The following ETV6 variants were observed in gnomAD, a reference collection of about 807,000 sequenced individuals.
ETV6 encodes the protein transcription factor ETV6.
In ETV6, 16 loss-of-function variants were observed where a neutral mutation model predicts 51.1. The observed-to-expected ratio is 0.31, with a 90% CI of 0.21 to 0.48. The LOEUF is 0.48. Ranked by LOEUF, ETV6 falls within the 20% of genes least tolerant of loss-of-function variation. The pLI, the probability that ETV6 is intolerant of heterozygous loss-of-function variation, is 0.99. For missense variants in ETV6, 458 were observed against 594.8 expected (o/e 0.77, Z 2.39); for synonymous variants, 240 against 224.1 (o/e 1.07, Z -0.64).
At position 11,749,659 on chromosome 12, in the gene ETV6, C is replaced by G. The variant is rs151206865; in HGVS notation, c.34-2791C>G. On this transcript the variant is annotated intron_variant, in intron 1 of 7. Transcript: ENST00000396373. Reference sequence around the variant, plus strand: ...ATTGCAATAGAGTGAAAAATGAGCACTGTGAGAGTCAACCTAGAGATTCAC... The same window carrying G: ...ATTGCAATAGAGTGAAAAATGAGCAGTGTGAGAGTCAACCTAGAGATTCAC... Among the ~76,000 whole-genome samples the G allele has an allele frequency of 9.8e-5, 15 of 152,286 alleles. No individual in the cohort carries two copies. The East Asian group carries it at 2.5e-3, about 25-fold the overall frequency.
intron 4 of ETV6, among the ~76,000 whole-genome samples, chr12:11,868,046 G>A (rs1180553997): frequency 6.6e-6 from 1 of 152,164 alleles, no homozygotes; most frequent in Non-Finnish European, 1.5e-5. Context: ...CTTTGAGTGG[G>A]ATGAGTTAGA....
At chr12:11,839,063 A>G in intron 2 of ETV6, 77 bp from the exon 3 acceptor site, 3 of 1,456,578 alleles carry the variant, frequency 2.1e-6, no homozygotes, top group Non-Finnish European at 2.8e-6. Flanking sequence ...CTATTCAGAG[A>G]CCTTCTCCCT....
At chr12:11,690,166 G>A (rs971502758) in intron 1 of ETV6, among the ~76,000 whole-genome samples, 25 of 151,368 alleles carry the variant, frequency 1.7e-4, no homozygotes, top group South Asian at 4.2e-4. Context: ...GAGAAGGGGC[G>A]TAGGGATGCA....
rs532107760 is a variant in ETV6 at position 11,744,205 on chromosome 12, A to T, written c.34-8245A>T. Among the ~76,000 whole-genome samples the T allele has an allele frequency of 1.3e-3, 198 of 152,300 alleles. 2 individuals carry two copies. The highest frequency in any genetic ancestry group is 4.5e-3 in the African/African-American group (186 of 41,552). On this transcript the variant is annotated intron_variant, in intron 1 of 7. Transcript: ENST00000396373. The stretch of plus-strand genomic sequence containing the variant: ...TCTAATGGTGCCCTTGATACAACTA[A>T]ATAGCAACTGTCTCAGTTCATTACT...
At chr12:11,870,623 C>T (rs983670378) in intron 5 of ETV6, among the ~76,000 whole-genome samples, 5 of 152,228 alleles carry the variant, frequency 3.3e-5, no homozygotes, top group Admixed American at 3.3e-4. Flanking sequence ...ACTCATTCTT[C>T]AGAAGCTTAA....
chr12:11,822,560 C>T (rs1946096694), intron 2 of ETV6, among the ~76,000 whole-genome samples: 1 of 152,120 alleles, frequency 6.6e-6, no homozygotes, highest in Non-Finnish European at 1.5e-5. Context: ...ACCTAATGTC[C>T]TGCTGCGGGC....
At chr12:11,851,767 G>T (rs150099861) in intron 3 of ETV6, among the ~76,000 whole-genome samples, 1 of 152,152 alleles carries the variant, frequency 6.6e-6, no homozygotes, top group Admixed American at 6.5e-5. Flanking sequence ...GTAGAGGTAG[G>T]AACAAAGTCA....
chr12:11,810,124 G>A (rs1945891710), intron 2 of ETV6, among the ~76,000 whole-genome samples: 1 of 152,066 alleles, frequency 6.6e-6, no homozygotes, highest in African/African-American at 2.4e-5. Flanking sequence ...TGGCTGGAAT[G>A]GAGCATTTTA....
At chr12:11,681,997 C>T (rs1462671886) in intron 1 of ETV6, among the ~76,000 whole-genome samples, 1 of 152,128 alleles carries the variant, frequency 6.6e-6, no homozygotes, top group Non-Finnish European at 1.5e-5. Flanking sequence ...GGTTCCAAGT[C>T]TTTGCTATTG....
At chr12:11,798,049 A>G (rs1334718935) in intron 2 of ETV6, among the ~76,000 whole-genome samples, 1 of 152,230 alleles carries the variant, frequency 6.6e-6, no homozygotes, top group Non-Finnish European at 1.5e-5. Flanking sequence ...TCCAAGGAAA[A>G]CTTATCAACT....
intron 1 of ETV6, among the ~76,000 whole-genome samples, chr12:11,723,897 T>C (rs1865439770): frequency 6.6e-6 from 1 of 151,348 alleles, no homozygotes. Context: ...TCATTGAGAG[T>C]CCCCAGGAAG....
intron 1 of ETV6, among the ~76,000 whole-genome samples, chr12:11,655,112 C>T (rs1266890766): frequency 1.3e-5 from 2 of 152,188 alleles, no homozygotes; most frequent in Non-Finnish European, 2.9e-5. Context: ...GTAACTCACA[C>T]AGCAGTTTCA....
At chr12:11,884,401 A>G in intron 5 of ETV6, 44 bp from the exon 6 acceptor site, 1 of 1,609,560 alleles carries the variant, frequency 6.2e-7, no homozygotes, top group Non-Finnish European at 8.5e-7. Flanking sequence ...GTGCCTCAAC[A>G]AGAAACATTT....
chr12:11,782,789 A>G (rs1330334384), intron 2 of ETV6, among the ~76,000 whole-genome samples: 1 of 152,260 alleles, frequency 6.6e-6, no homozygotes, highest in East Asian at 1.9e-4. Flanking sequence ...AATGATTTAT[A>G]AGATAACCTC....
intron 2 of ETV6, among the ~76,000 whole-genome samples, chr12:11,754,697 A>G (rs1944980961): frequency 6.6e-6 from 1 of 152,198 alleles, no homozygotes. Context: ...TGTTTCTTCC[A>G]TACTAACACT....
intron 2 of ETV6, among the ~76,000 whole-genome samples, chr12:11,797,216 CCT>C (rs1491186386): frequency 2.0e-5 from 3 of 150,802 alleles, no homozygotes; most frequent in African/African-American, 7.5e-5. Flanking sequence ...AGACAGTGTA[CCT>C]AGCAATAGTC....
At chr12:11,870,333 C>T (rs1222928676) in intron 5 of ETV6, among the ~76,000 whole-genome samples, 4 of 152,166 alleles carry the variant, frequency 2.6e-5, no homozygotes, top group African/African-American at 9.7e-5. Context: ...CCAGACACAG[C>T]ATAAAGAAGC....
chr12:11,689,723 A>G lies in ETV6; in HGVS notation c.33+39563A>G, dbSNP rs943694031. ...CTGCCATGTCTTTTGTGGACATTGG[A>G]TGTATTTCCGCATTCTGGTTGGCCA... is the stretch of plus-strand genomic sequence containing the variant. On this transcript the variant is annotated intron_variant, in intron 1 of 7. Coordinates refer to ENST00000396373, the MANE Select transcript of ETV6 (RefSeq NM_001987.5). Among the ~76,000 whole-genome samples, 4 of 149,898 alleles carry G rather than the reference A, an allele frequency of 2.7e-5. No homozygotes were observed. In the Admixed American group the frequency reaches 2.7e-4, roughly 10 times the overall value.
intron 1 of ETV6, among the ~76,000 whole-genome samples, chr12:11,662,008 C>T (rs1864108833): frequency 6.6e-6 from 1 of 152,150 alleles, no homozygotes. Flanking sequence ...TTAACTTTCG[C>T]CGAGACAGGC....
Sources: gnomAD v4.1 joint callset for allele counts (sites outside exome capture counted in the v4.1 genomes callset) on GRCh38, gnomAD v4.1.1 for gene constraint, MANE v1.5 for transcripts, NCBI Gene and HGNC (gene_info 2026-07-23, HGNC 2026-07-21) for gene names.